CEP85: variants seen among roughly 807,000 people sequenced by gnomAD.
The protein encoded by CEP85 is centrosomal protein of 85 kDa.
A neutral mutation model predicts 93.7 loss-of-function variants in CEP85; 58 were observed. The ratio of observed to expected loss-of-function variants is 0.62; its 90% CI spans 0.50 to 0.77. The LOEUF (loss-of-function observed/expected upper bound fraction) is 0.77. CEP85 is among the 30% of genes least tolerant of loss of function. The probability of loss-of-function intolerance (pLI) is 0.00; values close to 1 mark genes in which losing one functional copy is unlikely to be tolerated. For missense variants in CEP85, 868 were observed against 922.0 expected (o/e 0.94, Z 0.76); for synonymous variants, 314 against 338.6 (o/e 0.93, Z 0.80).
In CEP85 at chr1:26,277,374, G is replaced by A; in HGVS notation, c.*81G>A. On this transcript the variant is annotated 3_prime_UTR_variant, in exon 14 of 14. Coordinates refer to ENST00000451429, the MANE Select transcript of CEP85 (RefSeq NM_001319944.2). The stretch of plus-strand genomic sequence containing the variant: ...CAGGTTTCTGCCCTGACATTCTCTT[G>A]TCTGCTATTCCCAGAGAGGTCTCAG... 7.1e-7 allele frequency: 1 copy of A among 1,402,162 alleles called. No individual in the cohort carries two copies. Among genetic ancestry groups the A allele is most frequent in the Non-Finnish European group, 9.9e-7 (1 of 1,009,514 alleles). 86.9% of individuals were successfully genotyped at this position (1,402,162 alleles called of 1,614,324 possible).
At chr1:26,251,439 C>T (rs1315915852) in intron 3 of CEP85, among the ~76,000 whole-genome samples, 2 of 151,728 alleles carry the variant, frequency 1.3e-5, no homozygotes, top group African/African-American at 2.4e-5. Flanking sequence ...TTAGTGGAGA[C>T]AGGGTTTCTC....
chr1:26,236,224 A>G (rs2089324417), intron 1 of CEP85, among the ~76,000 whole-genome samples: 1 of 152,230 alleles, frequency 6.6e-6, no homozygotes, highest in South Asian at 2.1e-4. Flanking sequence ...GATAATAGTA[A>G]CTGCCTCATA....
chr1:26,272,039 C>T lies in CEP85; in HGVS notation c.1762C>T (p.Gln588Ter). The T allele has an allele frequency of 6.2e-7, 1 of 1,614,146 alleles. No individual in the cohort carries two copies. The highest frequency in any genetic ancestry group is 8.5e-7 in the Non-Finnish European group (1 of 1,180,038). Residue 588 changes from glutamine to a stop codon, truncating the protein, a stop_gained, in exon 11 of 14, where the codon CAG (glutamine) becomes TAG (stop). Transcript: ENST00000451429. LOFTEE classifies it high-confidence loss of function. ...SLQKIVEKQQ[Q>*]KMDQLRSQVQ... Reference sequence around the variant, plus strand: ...CTTTCAGATTGTGGAGAAGCAGCAGCAGAAGATGGATCAGTTGCGCTCACA... The same window carrying T: ...CTTTCAGATTGTGGAGAAGCAGCAGTAGAAGATGGATCAGTTGCGCTCACA...
chr1:26,240,194 A>G (rs6682101), intron 2 of CEP85, among the ~76,000 whole-genome samples: 133,219 of 152,198 alleles, frequency 0.88, 59,262 homozygotes, highest in Non-Finnish European at 0.93. Context: ...AGCCCACAAA[A>G]ATAGGAATTC....
intron 11 of CEP85, 183 bp downstream of exon 11, chr1:26,272,254 CA>C (rs1250348802): frequency 1.6e-6 from 1 of 633,242 alleles, no homozygotes; most frequent in Non-Finnish European, 2.8e-6. Context: ...GGAGTTTCAG[CA>C]CAGTACTGTG....
At chr1:26,256,928 G>GGGGT (rs1553159974) in intron 4 of CEP85, among the ~76,000 whole-genome samples, 9 of 111,404 alleles carry the variant, frequency 8.1e-5, no homozygotes, top group African/African-American at 3.0e-4. Flanking sequence ...GTTTTGTTTT[G>GGGGT]GTGTGTGTGT....
At chr1:26,246,121 A>G (rs766919624) in intron 3 of CEP85, among the ~76,000 whole-genome samples, 2 of 152,196 alleles carry the variant, frequency 1.3e-5, no homozygotes, top group Non-Finnish European at 2.9e-5. Flanking sequence ...GAGAATGTAG[A>G]GAAATGGAAA....
At chr1:26,258,828 C>T (rs1298256989) in intron 6 of CEP85, among the ~76,000 whole-genome samples, 2 of 152,094 alleles carry the variant, frequency 1.3e-5, no homozygotes, top group Admixed American at 6.6e-5. Flanking sequence ...AACTCCTGAC[C>T]TCGTGATCCG....
intron 7 of CEP85, among the ~76,000 whole-genome samples, chr1:26,267,252 T>C (rs536347536): frequency 1.3e-5 from 2 of 152,196 alleles, no homozygotes; most frequent in Non-Finnish European, 2.9e-5. Flanking sequence ...TACTTATTAT[T>C]ACAGTTTTAT....
chr1:26,248,589 G>A (rs551505381), intron 3 of CEP85, among the ~76,000 whole-genome samples: 1 of 151,920 alleles, frequency 6.6e-6, no homozygotes, highest in South Asian at 2.1e-4. Flanking sequence ...TCCACCTCCT[G>A]GGTTCAAGCG....
chr1:26,245,200 T>C (rs1050990195), intron 3 of CEP85, among the ~76,000 whole-genome samples: 9 of 151,316 alleles, frequency 5.9e-5, no homozygotes, highest in African/African-American at 2.2e-4. Flanking sequence ...TTTTTTTTTT[T>C]TCATTTTTTG....
At chr1:26,238,387 G>A (rs1316193392) in intron 1 of CEP85, among the ~76,000 whole-genome samples, 1 of 151,742 alleles carries the variant, frequency 6.6e-6, no homozygotes, top group African/African-American at 2.4e-5. Flanking sequence ...TTTTAGTAGA[G>A]ACGGGGTTTC....
chr1:26,246,594 C>T (rs548539029), intron 3 of CEP85, among the ~76,000 whole-genome samples: 2 of 151,716 alleles, frequency 1.3e-5, no homozygotes, highest in East Asian at 1.9e-4. Flanking sequence ...ATTAGCTGGG[C>T]GTGGTGATGT....
At chr1:26,249,418 T>C (rs887470347) in intron 3 of CEP85, among the ~76,000 whole-genome samples, 1 of 152,234 alleles carries the variant, frequency 6.6e-6, no homozygotes, top group African/African-American at 2.4e-5. Context: ...TTCATGAATC[T>C]AGCTTGCGGT....
At chr1:26,261,368 A>G (rs2089804857) in intron 7 of CEP85, among the ~76,000 whole-genome samples, 1 of 151,986 alleles carries the variant, frequency 6.6e-6, no homozygotes. Flanking sequence ...GCTACTCAGG[A>G]GGCTGAAGCA....
At chr1:26,256,587 A>G (rs977855993) in intron 4 of CEP85, among the ~76,000 whole-genome samples, 2 of 141,772 alleles carry the variant, frequency 1.4e-5, no homozygotes, top group Non-Finnish European at 3.0e-5. Context: ...TCTCTCTACC[A>G]CTTTTGTATT....
In CEP85 at chr1:26,269,546, C is replaced by T; in HGVS notation, c.1581C>T (p.Cys527=). 6.2e-7 allele frequency: 1 copy of T among 1,613,948 alleles called. No individual in the cohort carries two copies. Among genetic ancestry groups the T allele is most frequent in the Non-Finnish European group, 8.5e-7 (1 of 1,179,918 alleles). ...ESLLEETQAI[C]REKEIQLESL... ...TGCTGGAGGAGACCCAGGCAATCTG[C>T]AGAGAGAAGGAGATTCAACTGGAAA... The change falls in exon 9 of 14, where the codon TGC becomes TGT. Residue 527 remains cysteine (C), a synonymous_variant. Coordinates refer to ENST00000451429, the MANE Select transcript of CEP85 (RefSeq NM_001319944.2).
At chr1:26,242,561 A>T (rs1361152380) in intron 2 of CEP85, among the ~76,000 whole-genome samples, 1 of 152,230 alleles carries the variant, frequency 6.6e-6, no homozygotes, top group Admixed American at 6.5e-5. Context: ...AAGCCAAAGT[A>T]AGGGTAGCAA....
At chr1:26,241,950 G>A (rs1298160677) in intron 2 of CEP85, among the ~76,000 whole-genome samples, 1 of 151,860 alleles carries the variant, frequency 6.6e-6, no homozygotes, top group Non-Finnish European at 1.5e-5. Flanking sequence ...TTTTAGTAGA[G>A]ACGGGTTTCG....
Sources: gnomAD v4.1 joint callset for allele counts (sites outside exome capture counted in the v4.1 genomes callset) on GRCh38, gnomAD v4.1.1 for gene constraint, MANE v1.5 for transcripts, NCBI Gene and HGNC (gene_info 2026-07-23, HGNC 2026-07-21) for gene names.